The following TRAM2 variants were observed in gnomAD, a reference collection of about 807,000 sequenced individuals.
TRAM2 encodes the protein translocating chain-associated membrane protein 2.
Under a neutral mutation model 51.0 loss-of-function variants are expected in TRAM2, and 12 were observed. That is an observed-to-expected ratio of 0.24 (90% confidence interval 0.15 to 0.38). The LOEUF is 0.38. Ranked by LOEUF, TRAM2 falls within the 10% of genes least tolerant of loss-of-function variation. TRAM2 has a pLI of 1.00. For synonymous variants in TRAM2, 175 were observed against 179.4 expected, an observed-to-expected ratio of 0.98 and a Z score of 0.20; for missense variants, 361 against 462.0, an observed-to-expected ratio of 0.78 and a Z score of 2.00.
intron 1 of TRAM2, among the ~76,000 whole-genome samples, chr6:52,563,010 A>C (rs887106708): frequency 3.3e-5 from 5 of 152,222 alleles, no homozygotes; most frequent in African/African-American, 1.2e-4. Context: ...TAACGCTTTG[A>C]CCTTATCATC....
In TRAM2 at chr6:52,543,737, T is replaced by A. The variant is rs78868147; in HGVS notation, c.121-7891A>T. Among the ~76,000 whole-genome samples the A allele has an allele frequency of 2.9e-3, 444 of 152,296 alleles. 3 individuals carry two copies. Among genetic ancestry groups the A allele is most frequent in the African/African-American group, 0.01 (429 of 41,552 alleles). On this transcript the variant is annotated intron_variant, in intron 1 of 10. Transcript: ENST00000182527. The stretch of plus-strand genomic sequence containing the variant: ...CAAAAAGAGAGGAGGGTCATTCTAA[T>A]CAGTATAGATGTGTCTGCGACATCC...
rs1581707886 is a variant in TRAM2, at chr6:52,576,776, C to T, written c.120+20G>A. The T allele has an allele frequency of 1.2e-5, 19 of 1,610,994 alleles. No homozygotes were observed. The highest frequency in any genetic ancestry group is 1.5e-5 in the Non-Finnish European group (18 of 1,178,492). Reference sequence around the variant, plus strand: ...ACAGGGGGCACTGTCCCTCCAGCTCCCTCCTCCCCAGGCTCTCACCTCGAA... The same window carrying T: ...ACAGGGGGCACTGTCCCTCCAGCTCTCTCCTCCCCAGGCTCTCACCTCGAA... On this transcript the variant is annotated intron_variant, in intron 1 of 10. Transcript: ENST00000182527.
rs1064229 is a variant in TRAM2 at position 52,499,035 on chromosome 6, C to T, written c.*4162G>A. On this transcript the variant is annotated 3_prime_UTR_variant, in exon 11 of 11. Coordinates refer to ENST00000182527, the MANE Select transcript of TRAM2 (RefSeq NM_012288.4). ...GGAACTCCATAAAAGAATGAGGCAG[C>T]TTTCACTGGGGAGAACTGGTCTTCA... is the stretch of plus-strand genomic sequence containing the variant. The T allele has an allele frequency of 0.18, 26,838 of 152,182 alleles. 2,799 individuals are homozygous for T. Among genetic ancestry groups the T allele is most frequent in the Non-Finnish European group, 0.24 (16,030 of 67,990 alleles). 9.4% of individuals were successfully genotyped at this position (152,182 alleles called of 1,614,324 possible).
rs1394535670 is a variant in TRAM2, at chr6:52,498,436, T to C, written c.*4761A>G. 6.6e-6 allele frequency: 1 copy of C among 152,152 alleles called. No individual in the cohort carries two copies. Among genetic ancestry groups the C allele is most frequent in the Non-Finnish European group, 1.5e-5 (1 of 68,028 alleles). 9.4% of individuals were successfully genotyped at this position (152,152 alleles called of 1,614,324 possible). A position where few individuals can be genotyped will look rare whatever the true frequency, so the allele number is the denominator to read the frequency against. The stretch of plus-strand genomic sequence containing the variant: ...AGTAAAAGTAAACACCTTTATCATA[T>C]AAACTTTGGGCTGAATGGGAAGCAA... On this transcript the variant is annotated 3_prime_UTR_variant, in exon 11 of 11. Transcript: ENST00000182527.
rs1429665105 is a variant in TRAM2 at position 52,505,633 on chromosome 6, G to C, written c.841C>G (p.Pro281Ala). ...LARMENQAFD[P>A]EKGNFNTLFC... ...AAAGTGTTGAAGTTCCCTTTCTCGG[G>C]ATCAAATGCCTGGTTTTCCATGCGA... Residue 281 changes from proline to alanine, a missense_variant, in exon 9 of 11, where the codon CCC (proline) becomes GCC (alanine). Pro to Ala is a conservative substitution (Grantham distance 27). Coordinates refer to ENST00000182527, the MANE Select transcript of TRAM2 (RefSeq NM_012288.4). 1.9e-6 allele frequency: 3 copies of C among 1,613,248 alleles called. No homozygotes were observed. The highest frequency in any genetic ancestry group is 2.5e-6 in the Non-Finnish European group (3 of 1,179,414).
chr6:52,525,756 C>T (rs576864277), intron 2 of TRAM2, among the ~76,000 whole-genome samples: 27 of 152,158 alleles, frequency 1.8e-4, no homozygotes, highest in Non-Finnish European at 3.7e-4. Context: ...TGCAGTGAGC[C>T]GAGATTGTGC....
Position 52,570,353 on chromosome 6 carries a change from C to G in TRAM2, c.120+6443G>C, listed in dbSNP as rs1259564450. On this transcript the variant is annotated intron_variant, in intron 1 of 10. Transcript: ENST00000182527. ...CAGGCAGAAAAGCCTCCAAGTGGAACAAAGACCTACAGACATTACTTCCAG... is the reference window on the plus strand; with the variant it reads ...CAGGCAGAAAAGCCTCCAAGTGGAAGAAAGACCTACAGACATTACTTCCAG... 2.0e-5 allele frequency among the ~76,000 whole-genome samples: 3 copies of G among 152,158 alleles called. No homozygotes were observed. In the East Asian group the frequency reaches 5.8e-4, roughly 29 times the overall value.
At chr6:52,510,857 T>C (rs1462742345) in intron 4 of TRAM2, among the ~76,000 whole-genome samples, 9 of 152,132 alleles carry the variant, frequency 5.9e-5, no homozygotes, top group Non-Finnish European at 5.9e-5. Context: ...GAATTTATAA[T>C]CCAAGAGTAC....
intron 1 of TRAM2, among the ~76,000 whole-genome samples, chr6:52,540,163 T>C (rs572555133): frequency 4.0e-5 from 6 of 151,808 alleles, no homozygotes; most frequent in South Asian, 2.1e-4. Context: ...CCCTGGTTTA[T>C]AGATGAAAAA....
At chr6:52,534,453 C>T (rs1320374638) in intron 2 of TRAM2, among the ~76,000 whole-genome samples, 1 of 152,178 alleles carries the variant, frequency 6.6e-6, no homozygotes, top group Non-Finnish European at 1.5e-5. Flanking sequence ...AAAAGTCCTT[C>T]CTTTGTTCAT....
chr6:52,504,687 G>A lies in TRAM2; in HGVS notation c.943C>T (p.Leu315=), dbSNP rs1195622434. Reference sequence around the variant, plus strand: ...TTCCAGTATTCCCGCCAGTGCCGCAGCTGGGAGTGGATGAAGCGCCACATG... The same window carrying A: ...TTCCAGTATTCCCGCCAGTGCCGCAACTGGGAGTGGATGAAGCGCCACATG... The part of the protein sequence containing the change: ...WLMWRFIHSQ[L]RHWREYWNEQ... The change falls in exon 10 of 11, where the codon CTG becomes TTG. Residue 315 remains leucine (L), a synonymous_variant. Transcript: ENST00000182527. 1 of 1,613,480 alleles carries A rather than the reference G, an allele frequency of 6.2e-7. No individual in the cohort carries two copies. The highest frequency in any genetic ancestry group is 1.1e-5 in the South Asian group (1 of 90,934).
At chr6:52,521,420 G>A (rs981494455) in intron 2 of TRAM2, among the ~76,000 whole-genome samples, 32 of 151,576 alleles carry the variant, frequency 2.1e-4, no homozygotes, top group African/African-American at 5.8e-4. Flanking sequence ...AAGGCTGGGC[G>A]CGGTGGCTCA....
At chr6:52,510,789 T>C (rs575988498) in intron 4 of TRAM2, among the ~76,000 whole-genome samples, 1 of 152,338 alleles carries the variant, frequency 6.6e-6, no homozygotes, top group East Asian at 1.9e-4. Flanking sequence ...GGGCCAGTGA[T>C]ACCCTGGGGA....
Position 52,576,813 on chromosome 6 carries a change from T to A in TRAM2, c.103A>T (p.Ile35Phe), listed in dbSNP as rs764342345. 1 of 1,613,406 alleles carries A rather than the reference T, an allele frequency of 6.2e-7. No individual in the cohort carries two copies. The highest frequency in any genetic ancestry group is 8.5e-7 in the Non-Finnish European group (1 of 1,179,676). The change falls in exon 1 of 11, where the codon ATC (isoleucine) becomes TTC (phenylalanine). Residue 35 changes from isoleucine (I) to phenylalanine (F), a missense_variant. Transcript: ENST00000182527. ...IGFCLVLCVL[I>F]GLMFEVTAKT... Reference sequence around the variant, plus strand: ...GCTCTCACCTCGAACATAAGCCCGATGAGGACGCAGAGCACCAGGCAGAAG... The same window carrying A: ...GCTCTCACCTCGAACATAAGCCCGAAGAGGACGCAGAGCACCAGGCAGAAG...
intron 5 of TRAM2, 36 bp downstream of exon 5, chr6:52,509,492 C>T (rs752062328): frequency 3.6e-5 from 58 of 1,607,184 alleles, no homozygotes; most frequent in Admixed American, 1.0e-4. Flanking sequence ...TGGGCCCGGT[C>T]GCTCCTCCCT....
intron 1 of TRAM2, among the ~76,000 whole-genome samples, chr6:52,549,788 G>A (rs1020132413): frequency 2.0e-5 from 3 of 152,156 alleles, no homozygotes; most frequent in East Asian, 1.9e-4. Context: ...CATTTAATGC[G>A]CCATCACTTT....
chr6:52,515,753 G>A (rs1766536076), intron 4 of TRAM2: 1 of 454,202 alleles, frequency 2.2e-6, no homozygotes, highest in African/African-American at 2.0e-5. Flanking sequence ...ATTGCATAAT[G>A]ATTATAACAA....
intron 1 of TRAM2, among the ~76,000 whole-genome samples, chr6:52,542,829 G>C (rs1767128040): frequency 6.6e-6 from 1 of 152,198 alleles, no homozygotes; most frequent in Non-Finnish European, 1.5e-5. Context: ...GGATACAGAG[G>C]AATGTAGAAA....
intron 2 of TRAM2, among the ~76,000 whole-genome samples, chr6:52,528,857 C>G (rs995666274): frequency 6.6e-6 from 1 of 151,692 alleles, no homozygotes; most frequent in Non-Finnish European, 1.5e-5. Context: ...AGAACTTCTG[C>G]TCACACTGCC....
Sources: allele counts gnomAD v4.1 joint callset (sites outside exome capture counted in the v4.1 genomes callset), GRCh38; gene constraint gnomAD v4.1.1; transcripts MANE v1.5; gene names NCBI Gene and HGNC (gene_info 2026-07-23, HGNC 2026-07-21).